Variants in SEMA3A observed in about 807,000 individuals in gnomAD.
SEMA3A encodes semaphorin 3A.
SEMA3A carries 29 observed loss-of-function variants against 97.9 expected under a neutral mutation model. The ratio of observed to expected loss-of-function variants is 0.30; its 90% CI spans 0.22 to 0.40. The LOEUF is 0.40. Among genes scored for constraint, SEMA3A ranks in the 10% least tolerant of loss-of-function variants. SEMA3A has a pLI of 1.00. For synonymous variants in SEMA3A, 321 were observed against 323.7 expected (o/e 0.99, Z 0.09); for missense variants, 763 against 951.3 (o/e 0.80, Z 2.60).
At chr7:84,482,452 T>C (rs1409461372) in intron 1 of SEMA3A, among the ~76,000 whole-genome samples, 1 of 152,230 alleles carries the variant, frequency 6.6e-6, no homozygotes, top group Non-Finnish European at 1.5e-5. Context: ...TAAATTCTAA[T>C]CAATAGCATT....
chr7:84,419,153 T>G (rs564913275), intron 1 of SEMA3A, among the ~76,000 whole-genome samples: 1 of 152,190 alleles, frequency 6.6e-6, no homozygotes, highest in East Asian at 1.9e-4. Context: ...CCCTCAATTC[T>G]AAATAACCAG....
At chr7:84,064,312 A>T (rs1793387139) in intron 4 of SEMA3A, among the ~76,000 whole-genome samples, 1 of 152,148 alleles carries the variant, frequency 6.6e-6, no homozygotes, top group Non-Finnish European at 1.5e-5. Context: ...CCACTGCAAA[A>T]TCATGCCAAA....
At chr7:84,276,240 G>T (rs1800291969) in intron 3 of SEMA3A, among the ~76,000 whole-genome samples, 1 of 152,038 alleles carries the variant, frequency 6.6e-6, no homozygotes, top group Non-Finnish European at 1.5e-5. Context: ...GAAAAAAGAT[G>T]AACATGAACA....
At chr7:84,369,797 T>C (rs931388011) in intron 2 of SEMA3A, among the ~76,000 whole-genome samples, 15 of 149,508 alleles carry the variant, frequency 1.0e-4, no homozygotes, top group African/African-American at 3.6e-4. Flanking sequence ...AACATCACAT[T>C]GTATTAGTAA....
chr7:83,973,904 G>GTTT (rs5885388), intron 15 of SEMA3A, among the ~76,000 whole-genome samples: 6,718 of 146,590 alleles, frequency 0.046, 249 homozygotes, highest in Middle Eastern at 0.16. Context: ...TGATGGTGTA[G>GTTT]TTTTTTTTTT....
At chr7:84,089,798 T>A (rs1794506269) in intron 4 of SEMA3A, among the ~76,000 whole-genome samples, 1 of 147,256 alleles carries the variant, frequency 6.8e-6, no homozygotes, top group African/African-American at 2.4e-5. Flanking sequence ...TCACTTTATA[T>A]ACCTAGATTT....
intron 3 of SEMA3A, among the ~76,000 whole-genome samples, chr7:84,218,610 G>A (rs894525257): frequency 1.7e-4 from 26 of 151,984 alleles, no homozygotes; most frequent in Admixed American, 9.8e-4. Flanking sequence ...TTGAATTTTT[G>A]CTATTCAGTT....
chr7:84,089,350 A>G (rs983291052), intron 4 of SEMA3A, among the ~76,000 whole-genome samples: 1 of 152,180 alleles, frequency 6.6e-6, no homozygotes, highest in African/African-American at 2.4e-5. Context: ...AAATGCAAAT[A>G]TGTCAACAAG....
chr7:84,264,188 G>A (rs570436548), intron 3 of SEMA3A, among the ~76,000 whole-genome samples: 1 of 152,032 alleles, frequency 6.6e-6, no homozygotes, highest in South Asian at 2.1e-4. Flanking sequence ...TCTAATACAA[G>A]TTTAGAAATC....
At chr7:84,288,314 T>G (rs746000204) in intron 3 of SEMA3A, among the ~76,000 whole-genome samples, 147 of 152,262 alleles carry the variant, frequency 9.7e-4, no homozygotes, top group Non-Finnish European at 1.7e-3. Flanking sequence ...CGAATTAAAT[T>G]TATGCTACCC....
Position 83,970,990 on chromosome 7 carries a change from T to C in SEMA3A, c.1717+6142A>G, listed in dbSNP as rs867193885. Reference sequence around the variant, plus strand: ...ATGCTCTATCAGTAGAAAAGACTAATTTAACTTCCAGTGGCTGGAAAACAT... The same window carrying C: ...ATGCTCTATCAGTAGAAAAGACTAACTTAACTTCCAGTGGCTGGAAAACAT... On this transcript the variant is annotated intron_variant, in intron 15 of 16. Transcript: ENST00000265362. Among the ~76,000 whole-genome samples the C allele has an allele frequency of 3.5e-4, 54 of 152,332 alleles. 1 individual carries two copies. The highest frequency in any genetic ancestry group is 1.3e-3 in the African/African-American group (53 of 41,588).
chr7:84,199,331 G>A (rs1243245597), upstream of SEMA3A, among the ~76,000 whole-genome samples: 2 of 152,082 alleles, frequency 1.3e-5, no homozygotes, highest in East Asian at 3.9e-4. Flanking sequence ...CCATTTCATT[G>A]TGATCAGATA....
chr7:84,077,607 A>G (rs376686309), intron 4 of SEMA3A, among the ~76,000 whole-genome samples: 6 of 152,180 alleles, frequency 3.9e-5, no homozygotes, highest in African/African-American at 1.4e-4. Flanking sequence ...TTGTCATTCA[A>G]GCGCTGTCAT....
intron 1 of SEMA3A, among the ~76,000 whole-genome samples, chr7:84,419,207 T>A (rs1333064776): frequency 6.6e-6 from 1 of 152,138 alleles, no homozygotes; most frequent in Non-Finnish European, 1.5e-5. Flanking sequence ...ATTATTTAGA[T>A]GTAGTCTATA....
At chr7:84,262,373 C>T (rs144969867) in intron 3 of SEMA3A, among the ~76,000 whole-genome samples, 1 of 152,078 alleles carries the variant, frequency 6.6e-6, no homozygotes, top group Admixed American at 6.6e-5. Flanking sequence ...TGCCACCATG[C>T]CCAGCTGATT....
intron 1 of SEMA3A, among the ~76,000 whole-genome samples, chr7:84,477,205 G>T (rs11760628): frequency 1.3e-5 from 2 of 150,598 alleles, no homozygotes; most frequent in African/African-American, 4.9e-5. Context: ...TTGGGGTGCC[G>T]AGGTGGGCGG....
At chr7:83,980,425 T>G (rs1397602021) in intron 14 of SEMA3A, among the ~76,000 whole-genome samples, 1 of 151,180 alleles carries the variant, frequency 6.6e-6, no homozygotes, top group Non-Finnish European at 1.5e-5. Flanking sequence ...GCCAACATGG[T>G]GAAACCCTGT....
At chr7:84,049,663 A>G (rs1350287891) in intron 5 of SEMA3A, among the ~76,000 whole-genome samples, 2 of 151,982 alleles carry the variant, frequency 1.3e-5, no homozygotes, top group African/African-American at 4.8e-5. Flanking sequence ...TGTGGTTTCT[A>G]GGCCACTAAT....
chr7:84,169,446 GT>G (rs1359980246), intron 1 of SEMA3A, among the ~76,000 whole-genome samples: 2 of 150,186 alleles, frequency 1.3e-5, no homozygotes, highest in Non-Finnish European at 3.0e-5. Flanking sequence ...TTCACTATAA[GT>G]TTTGTTTACT....
Sources: gnomAD v4.1 joint callset for allele counts (sites outside exome capture counted in the v4.1 genomes callset) on GRCh38, gnomAD v4.1.1 for gene constraint, MANE v1.5 for transcripts, NCBI Gene and HGNC (gene_info 2026-07-23, HGNC 2026-07-21) for gene names.